The following NRG3 variants were observed in gnomAD, a reference collection of about 807,000 sequenced individuals.
NRG3 encodes the protein neuregulin 3, also known as pro-neuregulin-3, membrane-bound isoform.
NRG3 carries 31 observed loss-of-function variants against 66.9 expected under a neutral mutation model. The observed-to-expected ratio is 0.46, with a 90% CI of 0.35 to 0.63. NRG3 has a LOEUF of 0.63. Among genes scored for constraint, NRG3 ranks in the 20% least tolerant of loss-of-function variants. NRG3 has a pLI of 0.00. For synonymous variants in NRG3, 393 were observed against 359.4 expected, an observed-to-expected ratio of 1.09 and a Z score of -1.06; for missense variants, 910 against 878.9, an observed-to-expected ratio of 1.04 and a Z score of -0.45.
At chr10:82,354,715 C>G (rs2083668017) in intron 1 of NRG3, among the ~76,000 whole-genome samples, 1 of 152,036 alleles carries the variant, frequency 6.6e-6, no homozygotes, top group Non-Finnish European at 1.5e-5. Flanking sequence ...TCTGTAAATT[C>G]CTATTCCGTG....
intron 2 of NRG3, among the ~76,000 whole-genome samples, chr10:82,566,162 T>C (rs74391220): frequency 6.6e-6 from 1 of 152,090 alleles, no homozygotes; most frequent in Non-Finnish European, 1.5e-5. Flanking sequence ...CTTACTTTCA[T>C]GATGGTTTGT....
chr10:82,353,755 A>G (rs1303110203), intron 1 of NRG3, among the ~76,000 whole-genome samples: 1 of 152,128 alleles, frequency 6.6e-6, no homozygotes, highest in Non-Finnish European at 1.5e-5. Flanking sequence ...GGTGCTTGGA[A>G]AACCCTTTCT....
chr10:81,906,745 G>A (rs962399946), intron 1 of NRG3, among the ~76,000 whole-genome samples: 18 of 152,228 alleles, frequency 1.2e-4, no homozygotes, highest in Non-Finnish European at 2.4e-4. Flanking sequence ...GAAAATAGAC[G>A]AGATGGAGGC....
At chr10:82,588,964 A>G (rs1412685194) in intron 2 of NRG3, among the ~76,000 whole-genome samples, 2 of 152,144 alleles carry the variant, frequency 1.3e-5, no homozygotes, top group African/African-American at 4.8e-5. Flanking sequence ...ATATTTGGTT[A>G]TATTAGCCTC....
intron 1 of NRG3, among the ~76,000 whole-genome samples, chr10:82,216,460 ATGTGTGTGTG>A (rs141417032): frequency 6.8e-6 from 1 of 146,330 alleles, no homozygotes; most frequent in African/African-American, 2.5e-5. Flanking sequence ...TTTTATATAT[ATGTGTGTGTG>A]TGTGTGTGTG....
intron 2 of NRG3, among the ~76,000 whole-genome samples, chr10:82,411,229 GT>G (rs2088059784): frequency 6.6e-6 from 1 of 152,134 alleles, no homozygotes; most frequent in Admixed American, 6.6e-5. Context: ...CTGGCCCAGT[GT>G]TTTTTACTTG....
At chr10:82,902,813 T>G (rs1176218288) in intron 4 of NRG3, among the ~76,000 whole-genome samples, 1 of 152,130 alleles carries the variant, frequency 6.6e-6, no homozygotes, top group Non-Finnish European at 1.5e-5. Context: ...ATAAATGTAT[T>G]GGAAAATTTT....
rs142991883 is a variant in NRG3 at position 82,973,797 on chromosome 10, G to A, written c.1294G>A (p.Val432Met). Reference sequence around the variant, plus strand: ...GTGTGATTTCCCACAGTATTCAAAGGTGGAAAGGCATCCTGTGACTGCATT... The same window carrying A: ...GTGTGATTTCCCACAGTATTCAAAGATGGAAAGGCATCCTGTGACTGCATT... ...SHVQLQNYSK[V>M]ERHPVTALEK... The change falls in exon 7 of 9, where the codon GTG (valine) becomes ATG (methionine). Residue 432 changes from valine (V) to methionine (M), a missense_variant. Transcript: ENST00000372141. 10 of 1,614,008 alleles carry A rather than the reference G, an allele frequency of 6.2e-6. No individual in the cohort carries two copies. Among genetic ancestry groups the A allele is most frequent in the Middle Eastern group, 3.3e-4 (2 of 6,058 alleles).
intron 2 of NRG3, among the ~76,000 whole-genome samples, chr10:82,386,156 G>T (rs1043221611): frequency 6.6e-6 from 1 of 151,780 alleles, no homozygotes; most frequent in African/African-American, 2.4e-5. Flanking sequence ...GTCTAACATG[G>T]GCATTTTTAA....
intron 1 of NRG3, among the ~76,000 whole-genome samples, chr10:81,995,618 T>C (rs1267108359): frequency 6.6e-6 from 1 of 152,250 alleles, no homozygotes; most frequent in Non-Finnish European, 1.5e-5. Context: ...TGGCTGTTCC[T>C]GGTACTGGCC....
chr10:82,031,038 GA>G (rs762894773), intron 1 of NRG3, among the ~76,000 whole-genome samples: 41 of 152,114 alleles, frequency 2.7e-4, no homozygotes, highest in Non-Finnish European at 4.7e-4. Context: ...TAAATAACCT[GA>G]AACACATGGA....
intron 2 of NRG3, among the ~76,000 whole-genome samples, chr10:82,550,775 G>GTA (rs1193946547): frequency 6.6e-6 from 1 of 152,130 alleles, no homozygotes; most frequent in African/African-American, 2.4e-5. Context: ...AATTGAAGGA[G>GTA]TATATCTTGA....
chr10:82,196,844 T>C (rs991549878), intron 1 of NRG3, among the ~76,000 whole-genome samples: 1 of 152,170 alleles, frequency 6.6e-6, no homozygotes, highest in African/African-American at 2.4e-5. Flanking sequence ...TATGCTCAGA[T>C]CTTAAGACAA....
intron 1 of NRG3, among the ~76,000 whole-genome samples, chr10:82,180,498 T>A (rs2073342134): frequency 6.6e-6 from 1 of 151,958 alleles, no homozygotes; most frequent in South Asian, 2.1e-4. Context: ...CTTGAGATGA[T>A]CATGTGATTT....
At chr10:82,374,092 C>A (rs2085060183) in intron 2 of NRG3, among the ~76,000 whole-genome samples, 2 of 152,278 alleles carry the variant, frequency 1.3e-5, no homozygotes, top group South Asian at 4.1e-4. Flanking sequence ...CGCTAAATAC[C>A]TACCACTCTC....
At chr10:82,140,482 G>C (rs1393910837) in intron 1 of NRG3, among the ~76,000 whole-genome samples, 1 of 152,082 alleles carries the variant, frequency 6.6e-6, no homozygotes, top group Admixed American at 6.6e-5. Flanking sequence ...AATTTTGTTT[G>C]GCAATGGCAT....
At chr10:82,449,730 T>G (rs530948960) in intron 2 of NRG3, among the ~76,000 whole-genome samples, 3 of 152,164 alleles carry the variant, frequency 2.0e-5, no homozygotes, top group Non-Finnish European at 4.4e-5. Flanking sequence ...GGTCGCAGGC[T>G]GTCATTCCCT....
intron 1 of NRG3, among the ~76,000 whole-genome samples, chr10:82,350,387 G>A (rs2083355845): frequency 6.6e-6 from 1 of 152,180 alleles, no homozygotes; most frequent in African/African-American, 2.4e-5. Flanking sequence ...TACAGAGACT[G>A]ACTTGCTAGG....
At chr10:82,788,096 G>C (rs1408916466) in intron 3 of NRG3, among the ~76,000 whole-genome samples, 1 of 152,148 alleles carries the variant, frequency 6.6e-6, no homozygotes, top group Non-Finnish European at 1.5e-5. Context: ...TTATTTTATT[G>C]TGTTGTTGGC....
Sources: gnomAD v4.1 joint callset for allele counts (sites outside exome capture counted in the v4.1 genomes callset) on GRCh38, gnomAD v4.1.1 for gene constraint, MANE v1.5 for transcripts, NCBI Gene and HGNC (gene_info 2026-07-23, HGNC 2026-07-21) for gene names.